Variants in EIF3CL observed in about 807,000 individuals in gnomAD.
EIF3CL encodes the protein eukaryotic translation initiation factor 3 subunit C-like protein.
For synonymous variants in EIF3CL, 2 were observed against 19.6 expected, an observed-to-expected ratio of 0.10 and a Z score of 2.37; for missense variants, 5 against 56.1, an observed-to-expected ratio of 0.09 and a Z score of 2.91.
the EIF3CL span, among the ~76,000 whole-genome samples, chr16:28,419,351 C>A: frequency 9.3e-5 from 14 of 150,586 alleles, no homozygotes; most frequent in South Asian, 2.5e-3. Flanking sequence ...CAGGGACTTT[C>A]CCTTAGCCCT....
At chr16:28,414,528 G>A in the EIF3CL span, 1 of 183,774 alleles carries the variant, frequency 5.4e-6, no homozygotes, top group African/African-American at 2.7e-5. Context: ...TGGAGCAGGT[G>A]GTCCACTAGG....
At chr16:28,414,441 C>T in the EIF3CL span, 1 of 310,270 alleles carries the variant, frequency 3.2e-6, no homozygotes, top group Non-Finnish European at 6.2e-6. Flanking sequence ...TGGTGAACAC[C>T]AAGCCTGATG....
chr16:28,405,886 CACACACACACACACAT>C (rs1332258542), upstream of EIF3CL, among the ~76,000 whole-genome samples: 6,563 of 137,338 alleles, frequency 0.048, 112 homozygotes, highest in African/African-American at 0.15. Context: ...TGTGTATACA[CACACACACACACACAT>C]ACACACACAC....
chr16:28,405,847 T>C (rs1186206994), upstream of EIF3CL, among the ~76,000 whole-genome samples: 7 of 152,264 alleles, frequency 4.6e-5, no homozygotes, highest in African/African-American at 1.2e-4. Context: ...CAGATGTCAC[T>C]TTGTGCCCTC....
the EIF3CL span, among the ~76,000 whole-genome samples, chr16:28,418,134 G>T: frequency 8.7e-5 from 13 of 150,194 alleles, no homozygotes; most frequent in African/African-American, 1.9e-4. Flanking sequence ...TCTTTCTGGG[G>T]TGTGGTCTCT....
At chr16:28,387,492 T>A (rs114081387) in intron 15 of EIF3CL, among the ~76,000 whole-genome samples, 5,850 of 149,658 alleles carry the variant, frequency 0.039, 410 homozygotes, top group East Asian at 0.22. Flanking sequence ...CTAGCAGGAG[T>A]GTAAAATGGT....
At chr16:28,414,815 C>T in the EIF3CL span, 1 of 473,134 alleles carries the variant, frequency 2.1e-6, no homozygotes, top group Non-Finnish European at 4.3e-6. Context: ...CCCTGAGGAA[C>T]TCCAAAAGGG....
the EIF3CL span, among the ~76,000 whole-genome samples, chr16:28,417,456 A>T: frequency 1.6e-5 from 2 of 127,186 alleles, no homozygotes; most frequent in African/African-American, 5.9e-5. Context: ...GAGACTTTTC[A>T]TTTTGTTCTG....
At chr16:28,386,199 G>C (rs1301042951) in intron 15 of EIF3CL, among the ~76,000 whole-genome samples, 1 of 58,622 alleles carries the variant, frequency 1.7e-5, no homozygotes, top group Non-Finnish European at 3.7e-5. Context: ...CCGACAGAGC[G>C]AGACTCCGTC....
the EIF3CL span, among the ~76,000 whole-genome samples, chr16:28,417,368 A>C: frequency 5.8e-5 from 8 of 138,514 alleles, no homozygotes; most frequent in Non-Finnish European, 1.3e-4. Flanking sequence ...GCTTTGTGGA[A>C]TAGAAAGGCG....
At chr16:28,385,227 C>T (rs1189755794) in intron 15 of EIF3CL, among the ~76,000 whole-genome samples, 1 of 118,468 alleles carries the variant, frequency 8.4e-6, no homozygotes, top group African/African-American at 2.8e-5. Context: ...CGCGCCACTG[C>T]ACTCCAGCTT....
intron 15 of EIF3CL, among the ~76,000 whole-genome samples, chr16:28,387,063 G>A (rs1240062837): frequency 6.3e-5 from 1 of 15,852 alleles, no homozygotes; most frequent in South Asian, 1.3e-3. Context: ...AGGCTACTGC[G>A]GGCCATGATC....
upstream of EIF3CL, among the ~76,000 whole-genome samples, chr16:28,408,265 A>G (rs1192381089): frequency 9.1e-6 from 1 of 109,676 alleles, no homozygotes; most frequent in African/African-American, 3.2e-5. Context: ...AATTTACCTA[A>G]TAATTTCTTC....
At chr16:28,415,904 G>A in the EIF3CL span, among the ~76,000 whole-genome samples, 5 of 98,364 alleles carry the variant, frequency 5.1e-5, no homozygotes, top group Admixed American at 1.2e-4. Flanking sequence ...CCTCTCATGC[G>A]GAGCCGAAGC....
the EIF3CL span, among the ~76,000 whole-genome samples, chr16:28,410,787 C>CG: frequency 3.8e-3 from 473 of 124,576 alleles, 5 homozygotes; most frequent in African/African-American, 0.012. Flanking sequence ...TTTGTAGAGA[C>CG]GGGGGGGGCC....
the EIF3CL span, among the ~76,000 whole-genome samples, chr16:28,419,366 A>G: frequency 1.3e-5 from 2 of 150,192 alleles, no homozygotes; most frequent in African/African-American, 5.0e-5. Flanking sequence ...AGCCCTTTCC[A>G]CCATGATTCT....
chr16:28,387,408 C>T (rs2045612202), intron 15 of EIF3CL, among the ~76,000 whole-genome samples: 1 of 147,024 alleles, frequency 6.8e-6, no homozygotes, highest in Admixed American at 6.8e-5. Flanking sequence ...TGCACTCCAG[C>T]CTTGGCGACA....
At chr16:28,410,894 C>A in the EIF3CL span, among the ~76,000 whole-genome samples, 1 of 117,858 alleles carries the variant, frequency 8.5e-6, no homozygotes, top group Non-Finnish European at 1.8e-5. Context: ...AGCCACCACG[C>A]CTGGCCAGTT....
chr16:28,417,077 G>A, the EIF3CL span, among the ~76,000 whole-genome samples: 3 of 72,452 alleles, frequency 4.1e-5, 1 homozygote, highest in African/African-American at 1.6e-4. Flanking sequence ...GCCTCTGCCC[G>A]GCCGCCCCTA....
Sources: allele counts gnomAD v4.1 joint callset (sites outside exome capture counted in the v4.1 genomes callset), GRCh38; gene constraint gnomAD v4.1.1; transcripts MANE v1.5; gene names NCBI Gene and HGNC (gene_info 2026-07-23, HGNC 2026-07-21).